The following ANKRD18B variants were observed in gnomAD, a reference collection of about 807,000 sequenced individuals.
ANKRD18B encodes the protein ankyrin repeat domain-containing protein 18B.
Under a neutral mutation model 111.8 loss-of-function variants are expected in ANKRD18B, and 75 were observed. That is an observed-to-expected ratio of 0.67 (90% confidence interval 0.56 to 0.81). ANKRD18B has a LOEUF of 0.81. Among genes scored for constraint, ANKRD18B ranks in the 40% least tolerant of loss-of-function variants. The pLI is 0.00. For synonymous variants in ANKRD18B, 356 were observed against 417.3 expected, an observed-to-expected ratio of 0.85 and a Z score of 1.79; for missense variants, 1,038 against 1,225.5, an observed-to-expected ratio of 0.85 and a Z score of 2.28.
chr9:33,571,330 T>G, intron 18 of ANKRD18B, 39 bp downstream of exon 18: 1 of 981,804 alleles, frequency 1.0e-6, no homozygotes, highest in Admixed American at 4.2e-5. Context: ...TTAGGTTTAT[T>G]TTAGTAATAA....
intron 1 of ANKRD18B, 73 bp downstream of exon 1, chr9:33,524,768 G>T: frequency 6.7e-7 from 1 of 1,485,238 alleles, no homozygotes; most frequent in Non-Finnish European, 9.0e-7. Flanking sequence ...AGGCGGGGTC[G>T]TCGGAGTTCG....
chr9:33,540,599 G>A (rs534636773), intron 8 of ANKRD18B, among the ~76,000 whole-genome samples: 8 of 152,224 alleles, frequency 5.3e-5, no homozygotes, highest in African/African-American at 1.9e-4. Flanking sequence ...AGCAGGGGAG[G>A]CATTAGATTC....
At chr9:33,558,563 T>C (rs1047139831) in intron 14 of ANKRD18B, among the ~76,000 whole-genome samples, 9 of 152,222 alleles carry the variant, frequency 5.9e-5, no homozygotes, top group Non-Finnish European at 8.8e-5. Flanking sequence ...TTCCATGATG[T>C]ATATACACCA....
intron 17 of ANKRD18B, among the ~76,000 whole-genome samples, chr9:33,570,065 A>T (rs1469459140): frequency 2.0e-5 from 3 of 152,258 alleles, no homozygotes; most frequent in African/African-American, 2.4e-5. Context: ...CCCAAGGTAG[A>T]TTGAAAATCC....
intron 10 of ANKRD18B, among the ~76,000 whole-genome samples, chr9:33,545,870 A>G (rs769251543): frequency 6.6e-6 from 1 of 152,184 alleles, no homozygotes; most frequent in Non-Finnish European, 1.5e-5. Flanking sequence ...TCACATGTAT[A>G]GTTACAGTGG....
chr9:33,552,249 A>T (rs1223521600), intron 12 of ANKRD18B, among the ~76,000 whole-genome samples: 1 of 152,224 alleles, frequency 6.6e-6, no homozygotes, highest in Admixed American at 6.5e-5. Context: ...TCAAGTGCTC[A>T]TGTTTTTCTC....
At chr9:33,574,987 T>A (rs1740461244), downstream of ANKRD18B, among the ~76,000 whole-genome samples, 1 of 152,104 alleles carries the variant, frequency 6.6e-6, no homozygotes, top group African/African-American at 2.4e-5. Flanking sequence ...GAGATGCACA[T>A]CTCAACACAG....
At chr9:33,531,934 C>T (rs1333875813) in intron 3 of ANKRD18B, among the ~76,000 whole-genome samples, 1 of 151,952 alleles carries the variant, frequency 6.6e-6, no homozygotes, top group African/African-American at 2.4e-5. Flanking sequence ...CAGCAATGTC[C>T]CTTAAAAATG....
chr9:33,537,736 C>T (rs1486346264), intron 6 of ANKRD18B, among the ~76,000 whole-genome samples: 1 of 152,148 alleles, frequency 6.6e-6, no homozygotes, highest in Middle Eastern at 3.2e-3. Flanking sequence ...TGACTCCTTC[C>T]AAACGTAACT....
intron 9 of ANKRD18B, among the ~76,000 whole-genome samples, chr9:33,541,961 G>A (rs111467440): frequency 0.01 from 1,534 of 152,084 alleles, 12 homozygotes; most frequent in Non-Finnish European, 0.016. Context: ...AAAAACATAC[G>A]CTCTGGGAGG....
intron 10 of ANKRD18B, among the ~76,000 whole-genome samples, chr9:33,547,273 G>T (rs1033893283): frequency 9.9e-5 from 15 of 152,218 alleles, no homozygotes; most frequent in African/African-American, 3.6e-4. Flanking sequence ...GAAGCCGTGA[G>T]GAAAATCCTG....
rs1009688025 is a variant in ANKRD18B at position 33,533,425 on chromosome 9, T to C, written c.496-14T>C. On this transcript the variant is annotated splice_polypyrimidine_tract_variant and intron_variant, in intron 3 of 18. Transcript: ENST00000684830. ...TAATTTTGTGAATTATAAATTGTTT[T>C]TGCTTTCTTACAGGAGGGAAACACT... The C allele has an allele frequency of 3.0e-5, 45 of 1,511,598 alleles. No homozygotes were observed. Among genetic ancestry groups the C allele is most frequent in the Non-Finnish European group, 4.0e-5 (45 of 1,133,998 alleles). The allele number at this position is 1,511,598 out of a possible 1,614,324, so 93.6% of individuals were successfully genotyped here.
intron 14 of ANKRD18B, among the ~76,000 whole-genome samples, chr9:33,564,158 C>A (rs1828651541): frequency 6.6e-6 from 1 of 152,206 alleles, no homozygotes; most frequent in African/African-American, 2.4e-5. Context: ...AGATGTCTTT[C>A]TATGTTGCTC....
At chr9:33,570,535 A>T (rs1440297708) in intron 17 of ANKRD18B, among the ~76,000 whole-genome samples, 1 of 152,084 alleles carries the variant, frequency 6.6e-6, no homozygotes, top group Non-Finnish European at 1.5e-5. Context: ...GAAAAAATTT[A>T]TTGAAGTAAA....
In ANKRD18B at chr9:33,567,164, A is replaced by G; in HGVS notation, c.2804A>G (p.Lys935Arg). ...QLNKDNTASL[K>R]KKELTLKDVE... The stretch of plus-strand genomic sequence containing the variant: ...AACAAGGATAATACGGCTTCACTAA[A>G]AAAGAAGGAACTCACACTTAAAGAT... The change falls in exon 16 of 19, where the codon AAA becomes AGA. Residue 935 changes from lysine to arginine, a missense_variant. By Grantham distance (26) the Lys-to-Arg change is conservative. Around this residue, in one of 4 missense-constraint regions of ANKRD18B, gnomAD observed 524 missense variants for 677.9 expected, o/e 0.77. Transcript: ENST00000684830. 1 of 1,548,722 alleles carries G rather than the reference A, an allele frequency of 6.5e-7. No homozygotes were observed. The highest frequency in any genetic ancestry group is 8.7e-7 in the Non-Finnish European group (1 of 1,146,138).
At chr9:33,526,570 A>G (rs963157611) in intron 1 of ANKRD18B, among the ~76,000 whole-genome samples, 3 of 152,158 alleles carry the variant, frequency 2.0e-5, no homozygotes, top group African/African-American at 7.2e-5. Context: ...TCTAGTAAAA[A>G]TTTATTATTA....
chr9:33,561,454 T>C (rs117958334), intron 14 of ANKRD18B, among the ~76,000 whole-genome samples: 8,797 of 152,292 alleles, frequency 0.058, 295 homozygotes, highest in South Asian at 0.099. Flanking sequence ...ATCAGATATA[T>C]GCTTTTCAGA....
chr9:33,534,670 G>A (rs1020148922), intron 5 of ANKRD18B, among the ~76,000 whole-genome samples, 163 bp downstream of exon 5: 1 of 152,174 alleles, frequency 6.6e-6, no homozygotes, highest in Non-Finnish European at 1.5e-5. Flanking sequence ...CAGAAAGCTA[G>A]ACTAGTTAGA....
At chr9:33,566,808 T>C (rs923861630) in intron 15 of ANKRD18B, among the ~76,000 whole-genome samples, 1 of 152,170 alleles carries the variant, frequency 6.6e-6, no homozygotes, top group Non-Finnish European at 1.5e-5. Flanking sequence ...TGAATTGGTC[T>C]TAAGCTACGT....
Sources: gnomAD v4.1 joint callset for allele counts (sites outside exome capture counted in the v4.1 genomes callset) on GRCh38, gnomAD v4.1.1 for gene constraint, gnomAD v4.1.1 regional missense constraint, MANE v1.5 for transcripts, NCBI Gene and HGNC (gene_info 2026-07-23, HGNC 2026-07-21) for gene names.